Variants in KANK2 observed in about 807,000 individuals in gnomAD.
KANK2 encodes the protein KN motif and ankyrin repeat domains 2, also known as KN motif and ankyrin repeat domain-containing protein 2.
Under a neutral mutation model 74.6 loss-of-function variants are expected in KANK2, and 41 were observed. The ratio of observed to expected loss-of-function variants is 0.55; its 90% CI spans 0.43 to 0.71. The LOEUF (loss-of-function observed/expected upper bound fraction) is 0.71. Among genes scored for constraint, KANK2 ranks in the 30% least tolerant of loss-of-function variants. The pLI is 0.00. For missense variants in KANK2, 1,148 were observed against 1,196.4 expected, an observed-to-expected ratio of 0.96 and a Z score of 0.60; for synonymous variants, 537 against 519.0, an observed-to-expected ratio of 1.03 and a Z score of -0.47.
At chr19:11,174,065 T>G (rs989957648) in intron 9 of KANK2, among the ~76,000 whole-genome samples, 1 of 150,878 alleles carries the variant, frequency 6.6e-6, no homozygotes, top group African/African-American at 2.4e-5. Context: ...CCCATCAGAC[T>G]GGGGAGGCAG....
intron 2 of KANK2, 170 bp from the exon 3 acceptor site, chr19:11,194,760 C>G (rs1406041729): frequency 2.2e-6 from 1 of 453,138 alleles, no homozygotes; most frequent in African/African-American, 2.0e-5. Context: ...CGACCCCCTC[C>G]CCCCCGCAGG....
At chr19:11,169,707 A>T in intron 12 of KANK2, 170 bp downstream of exon 12, 1 of 616,468 alleles carries the variant, frequency 1.6e-6, no homozygotes, top group Non-Finnish European at 2.9e-6. Flanking sequence ...AGGCTGAGGC[A>T]GCAGAATGGC....
rs767224525 is a variant in KANK2 at position 11,173,067 on chromosome 19, C to T, written c.2125G>A (p.Ala709Thr). The change falls in exon 10 of 13, where the codon GCC (alanine) becomes ACC (threonine). Residue 709 changes from alanine to threonine, a missense_variant. By Grantham distance (58) the Ala-to-Thr change is moderately conservative. Transcript: ENST00000586659. ...RAGYSPIMLTALATLKTQDDI... is the reference protein window; with the variant it reads ...RAGYSPIMLTTLATLKTQDDI... ...TCCTGGGTCTTCAGGGTGGCCAGGG[C>T]GGTGAGCATAATAGGGCTGTAGCCA... 3.2e-5 allele frequency: 52 copies of T among 1,614,068 alleles called. No individual in the cohort carries two copies. Among genetic ancestry groups the T allele is most frequent in the African/African-American group, 6.7e-5 (5 of 75,024 alleles).
chr19:11,185,836 C>T (rs898498685), intron 4 of KANK2, among the ~76,000 whole-genome samples: 28 of 151,918 alleles, frequency 1.8e-4, no homozygotes, highest in Non-Finnish European at 1.5e-5. Flanking sequence ...CCCTGGAGTT[C>T]GAGACCAACC....
chr19:11,193,468 C>G lies in KANK2; in HGVS notation c.612G>C (p.Glu204Asp), dbSNP rs1453934473. Residue 204 changes from glutamate to aspartate, a missense_variant, in exon 4 of 13, where the codon GAG becomes GAC. Physicochemically the swap from Glu to Asp is conservative, Grantham distance 45. Coordinates refer to ENST00000586659, the MANE Select transcript of KANK2 (RefSeq NM_001136191.3). The surrounding 1 kb of genome is among the most constrained non-coding windows in gnomAD (Gnocchi z 9.6). ...GALRKLRQLEEQVKLIPVLQV... is the reference protein window; with the variant it reads ...GALRKLRQLEDQVKLIPVLQV... ...GGAGCACAGGGATCAGCTTCACCTG[C>G]TCCTCCAGCTGCCGCAGCTTCCGCA... is the stretch of plus-strand genomic sequence containing the variant. The G allele has an allele frequency of 6.2e-7, 1 of 1,611,808 alleles. No individual in the cohort carries two copies. Among genetic ancestry groups the G allele is most frequent in the Admixed American group, 1.7e-5 (1 of 60,020 alleles).
chr19:11,176,534 C>T (rs766087005), intron 7 of KANK2, 44 bp downstream of exon 7: 3 of 1,522,160 alleles, frequency 2.0e-6, no homozygotes, highest in South Asian at 1.3e-5. Flanking sequence ...CAGAGGTCAT[C>T]CACCCCCGGC....
At chr19:11,195,387 C>A (rs904486364) in intron 2 of KANK2, among the ~76,000 whole-genome samples, 4 of 152,080 alleles carry the variant, frequency 2.6e-5, no homozygotes, top group African/African-American at 9.7e-5. Context: ...CTAAACCCCC[C>A]TCAGCCTTGG....
rs892113 is a variant in KANK2, at chr19:11,165,258, G to T, written c.*1300C>A. ...GGTTTTCAGCAAAGCCCTGTCTCTT[G>T]AAGTTTGCGCTGGGAGGCCTGGGGA... On this transcript the variant is annotated 3_prime_UTR_variant, in exon 13 of 13. Coordinates refer to ENST00000586659, the MANE Select transcript of KANK2 (RefSeq NM_001136191.3). 147,770 of 152,334 alleles carry T rather than the reference G, an allele frequency of 0.97. 71,725 individuals are homozygous for T. The highest frequency in any genetic ancestry group is 0.99 in the African/African-American group (41,316 of 41,582). 9.4% of individuals were successfully genotyped at this position (152,334 alleles called of 1,614,324 possible). A position where few individuals can be genotyped will look rare whatever the true frequency, so the allele number is the denominator to read the frequency against.
chr19:11,182,179 G>C (rs12984774), intron 4 of KANK2, among the ~76,000 whole-genome samples: 10,129 of 151,950 alleles, frequency 0.067, 388 homozygotes, highest in Admixed American at 0.091. Flanking sequence ...GCCTCCCAAA[G>C]TGCTGGGATT....
chr19:11,176,916 C>T, intron 6 of KANK2, 99 bp from the exon 7 acceptor site: 2 of 1,365,182 alleles, frequency 1.5e-6, no homozygotes, highest in Non-Finnish European at 1.9e-6. Context: ...CTGTGGGCCT[C>T]AGCTTCCCCA....
chr19:11,194,907 T>C lies in KANK2; in HGVS notation c.-79-317A>G, dbSNP rs529033175. 7.3e-4 allele frequency: 133 copies of C among 181,356 alleles called. 1 individual carries two copies. In the East Asian group the frequency reaches 0.016, roughly 22 times the overall value. 11.2% of individuals were successfully genotyped at this position (181,356 alleles called of 1,614,324 possible). A position where few individuals can be genotyped will look rare whatever the true frequency, so the allele number is the denominator to read the frequency against. ...CCCCAAGCCCAACAGGCCCCACCCT[T>C]CCTGCACCCCCTCCCCTCAGCCCAG... On this transcript the variant is annotated intron_variant, in intron 2 of 12. Transcript: ENST00000586659.
chr19:11,173,260 C>T (rs1368804163), intron 9 of KANK2, 137 bp from the exon 10 acceptor site: 1 of 829,344 alleles, frequency 1.2e-6, no homozygotes, highest in African/African-American at 1.7e-5. Flanking sequence ...CCACTCTGCC[C>T]TAGAGGTCTC....
intron 12 of KANK2, chr19:11,169,608 C>T (rs1041933306): frequency 3.5e-6 from 2 of 567,912 alleles, no homozygotes; most frequent in South Asian, 4.5e-5. Context: ...TGAGACCAGC[C>T]TGACCATCAT....
chr19:11,192,971 G>A lies in KANK2; in HGVS notation c.1109C>T (p.Pro370Leu). 1 of 1,614,104 alleles carries A rather than the reference G, an allele frequency of 6.2e-7. No individual in the cohort carries two copies. Among genetic ancestry groups the A allele is most frequent in the Non-Finnish European group, 8.5e-7 (1 of 1,179,992 alleles). The change falls in exon 4 of 13, where the codon CCT becomes CTT. Residue 370 changes from proline to leucine, a missense_variant. Coordinates refer to ENST00000586659, the MANE Select transcript of KANK2 (RefSeq NM_001136191.3). Reference protein sequence around the residue: ...YGTGLRALAMPGRPESPPVFR... With the variant: ...YGTGLRALAMLGRPESPPVFR... ...CACAGGTGGGCTCTCAGGCCTACCA[G>A]GCATTGCCAGGGCCCTCAGCCCTGT... is the stretch of plus-strand genomic sequence containing the variant.
chr19:11,169,235 G>A (rs539919411), intron 12 of KANK2, among the ~76,000 whole-genome samples: 5 of 152,254 alleles, frequency 3.3e-5, no homozygotes, highest in African/African-American at 4.8e-5. Flanking sequence ...CTACTTTGGA[G>A]ACTGAGGCAG....
intron 9 of KANK2, 63 bp from the exon 10 acceptor site, chr19:11,173,186 G>C: frequency 6.5e-7 from 1 of 1,543,718 alleles, no homozygotes; most frequent in South Asian, 1.2e-5. Flanking sequence ...CCCAAGGAAC[G>C]TGGATACCAC....
chr19:11,172,870 T>C (rs958317506), intron 10 of KANK2, 111 bp downstream of exon 10: 14 of 1,163,068 alleles, frequency 1.2e-5, no homozygotes, highest in Middle Eastern at 2.7e-4. Flanking sequence ...AGCCTGGCCA[T>C]GAAGAGCAGG....
intron 4 of KANK2, among the ~76,000 whole-genome samples, chr19:11,190,685 T>C (rs1424757541): frequency 6.6e-6 from 1 of 152,182 alleles, no homozygotes; most frequent in African/African-American, 2.4e-5. Context: ...AGCATGAGTT[T>C]GAACGCACCT....
Position 11,193,629 on chromosome 19 carries a change from T to G in KANK2, c.451A>C (p.Ser151Arg). Residue 151 changes from serine to arginine, a missense_variant, in exon 4 of 13, where the codon AGT (serine) becomes CGT (arginine). By Grantham distance (110) the Ser-to-Arg change is moderately radical (BLOSUM62 -1). Coordinates refer to ENST00000586659, the MANE Select transcript of KANK2 (RefSeq NM_001136191.3). This position sits in a 1 kb window ranked among gnomAD's most constrained non-coding sequence, Gnocchi z 9.6. ...TPTGLGSLTP[S>R]AAGSTASLVG... ...AGGGAGGCTGTCGAGCCGGCCGCAC[T>G]GGGGGTCAGGGAGCCCAGGCCGGTG... The G allele has an allele frequency of 6.3e-7, 1 of 1,592,284 alleles. No individual in the cohort carries two copies. Among genetic ancestry groups the G allele is most frequent in the Non-Finnish European group, 8.5e-7 (1 of 1,169,816 alleles).
Sources: gnomAD v4.1 joint callset for allele counts (sites outside exome capture counted in the v4.1 genomes callset) on GRCh38, gnomAD v4.1.1 for gene constraint, Gnocchi (gnomAD v3.1) non-coding constraint, MANE v1.5 for transcripts, NCBI Gene and HGNC (gene_info 2026-07-23, HGNC 2026-07-21) for gene names.